ITIH4: variants seen among roughly 807,000 people sequenced by gnomAD.
ITIH4 encodes the protein inter-alpha-trypsin inhibitor heavy chain H4.
A neutral mutation model predicts 111.8 loss-of-function variants in ITIH4; 79 were observed. The observed-to-expected ratio is 0.71, with a 90% CI of 0.59 to 0.85. The LOEUF (loss-of-function observed/expected upper bound fraction) is 0.85. Ranked by LOEUF, ITIH4 falls within the 40% of genes least tolerant of loss-of-function variation. The pLI is 0.00. For synonymous variants in ITIH4, 472 were observed against 468.3 expected (o/e 1.01, Z -0.10); for missense variants, 1,065 against 1,195.8 (o/e 0.89, Z 1.61).
Position 52,823,916 on chromosome 3 carries a change from G to A in ITIH4, c.1260C>T (p.Asp420=), listed in dbSNP as rs759003584. The A allele has an allele frequency of 8.1e-6, 13 of 1,611,096 alleles. No individual in the cohort carries two copies. Among genetic ancestry groups the A allele is most frequent in the African/African-American group, 6.7e-5 (5 of 74,814 alleles). ...GCTTCTCCAGGAAGGCATAGCTGAC[G>A]TCGAAACCGAAGCCCAGGCAGAAGA... The part of the protein sequence containing the change: ...YSLFCLGFGF[D]VSYAFLEKLA... Residue 420 remains aspartate, a synonymous_variant, in exon 10 of 24, where the codon GAC becomes GAT. Coordinates refer to ENST00000266041, the MANE Select transcript of ITIH4 (RefSeq NM_002218.5).
In ITIH4 at chr3:52,816,961, A is replaced by C. The variant is rs749998954; in HGVS notation, c.2394T>G (p.Pro798=). Residue 798 remains proline, a synonymous_variant, in exon 21 of 24, where the codon CCT becomes CCG. Coordinates refer to ENST00000266041, the MANE Select transcript of ITIH4 (RefSeq NM_002218.5). ...GGTTCCGAGTCACCACCACGTGTTC[A>C]GGGGATGCGTGAACCCATACCAGGG... ...KNPLVWVHAS[P]EHVVVTRNRR... The C allele has an allele frequency of 5.0e-6, 8 of 1,613,916 alleles. No homozygotes were observed. Among genetic ancestry groups the C allele is most frequent in the Non-Finnish European group, 6.8e-6 (8 of 1,179,954 alleles).
rs750048478 is a variant in ITIH4, at chr3:52,825,968, G to A, written c.677C>T (p.Pro226Leu). The change falls in exon 6 of 24, where the codon CCA becomes CTA. Residue 226 changes from proline (P) to leucine (L), a missense_variant. Pro to Leu is a moderately conservative substitution (Grantham distance 98, BLOSUM62 -3). Coordinates refer to ENST00000266041, the MANE Select transcript of ITIH4 (RefSeq NM_002218.5). ...GTCCAGGACTGTTTCTTGCTGCTCT[G>A]GGGACTTTTGCTGCTGGGAAAGTGT... is the stretch of plus-strand genomic sequence containing the variant. ...KPTLSQQQKS[P>L]EQQETVLDGN... 7.4e-6 allele frequency: 12 copies of A among 1,614,090 alleles called. No individual in the cohort carries two copies. In the South Asian group the frequency reaches 1.3e-4, roughly 18 times the overall value.
intron 1 of ITIH4, among the ~76,000 whole-genome samples, chr3:52,829,538 A>C (rs1700536162): frequency 6.6e-6 from 1 of 152,146 alleles, no homozygotes; most frequent in African/African-American, 2.4e-5. Flanking sequence ...CTTGATCTAT[A>C]GGGGCCCAGA....
At chr3:52,829,472 T>G (rs567704100) in intron 1 of ITIH4, among the ~76,000 whole-genome samples, 193 bp from the exon 2 acceptor site, 1 of 152,188 alleles carries the variant, frequency 6.6e-6, no homozygotes, top group African/African-American at 2.4e-5. Flanking sequence ...AGGTAAGAGA[T>G]AGCAGTGTGC....
intron 12 of ITIH4, 24 bp from the exon 13 acceptor site, chr3:52,820,809 T>G: frequency 1.9e-6 from 3 of 1,585,548 alleles, no homozygotes; most frequent in Non-Finnish European, 2.6e-6. Flanking sequence ...ACATCAGAGC[T>G]CAGGAGATCC....
chr3:52,820,352 G>C, intron 13 of ITIH4, 35 bp from the exon 14 acceptor site: 1 of 1,604,916 alleles, frequency 6.2e-7, no homozygotes, highest in Non-Finnish European at 8.5e-7. Flanking sequence ...GAGACAGACA[G>C]ACAGAGACAC....
intron 11 of ITIH4, 61 bp downstream of exon 11, chr3:52,823,495 C>T: frequency 1.4e-6 from 2 of 1,416,454 alleles, no homozygotes; most frequent in Non-Finnish European, 1.9e-6. Context: ...TGAGTCCAGC[C>T]CCTCTGGCTG....
chr3:52,813,888 G>A (rs1700230867), intron 23 of ITIH4, 87 bp downstream of exon 23: 1 of 1,026,814 alleles, frequency 9.7e-7, no homozygotes, highest in Non-Finnish European at 1.5e-6. Flanking sequence ...GCAAGGACAG[G>A]AGTGGGGCCC....
Position 52,827,199 on chromosome 3 carries a change from T to C in ITIH4, c.252-2A>G. On this transcript the variant is annotated splice_acceptor_variant, in intron 2 of 23. Coordinates refer to ENST00000266041, the MANE Select transcript of ITIH4 (RefSeq NM_002218.5). LOFTEE classifies it high-confidence loss of function. Reference sequence around the variant, plus strand: ...GGGTAGGTCATGCCATCGATGATCCTGGGGGCAGAAGGGTGGGAGTTGTTG... The same window carrying C: ...GGGTAGGTCATGCCATCGATGATCCCGGGGGCAGAAGGGTGGGAGTTGTTG... The C allele has an allele frequency of 6.2e-7, 1 of 1,612,208 alleles. No individual in the cohort carries two copies. The highest frequency in any genetic ancestry group is 2.2e-5 in the East Asian group (1 of 44,866).
chr3:52,819,280 G>A (rs1700330123), intron 17 of ITIH4, 113 bp downstream of exon 17: 3 of 1,229,356 alleles, frequency 2.4e-6, no homozygotes, highest in African/African-American at 3.0e-5. Context: ...GCCCTCAGCA[G>A]CCGTCCCTGG....
intron 1 of ITIH4, among the ~76,000 whole-genome samples, chr3:52,829,490 C>T (rs1700535367): frequency 6.6e-6 from 1 of 152,150 alleles, no homozygotes; most frequent in African/African-American, 2.4e-5. Context: ...TGCTTCATTC[C>T]CCACCCTACA....
chr3:52,818,321 C>T, intron 18 of ITIH4, 38 bp from the exon 19 acceptor site: 1 of 1,574,836 alleles, frequency 6.3e-7, no homozygotes, highest in Non-Finnish European at 8.6e-7. Flanking sequence ...GCAGCCCCTT[C>T]CTGAGGAGTG....
At chr3:52,813,810 G>A (rs1700230077) in intron 23 of ITIH4, among the ~76,000 whole-genome samples, 165 bp downstream of exon 23, 1 of 152,168 alleles carries the variant, frequency 6.6e-6, no homozygotes, top group African/African-American at 2.4e-5. Flanking sequence ...TCTTTTGTGG[G>A]GTCACTGAAA....
rs1194843518 is a variant in ITIH4 at position 52,820,710 on chromosome 3, G to A, written c.1755C>T (p.Val585=). The change falls in exon 13 of 24, where the codon GTC becomes GTT. Residue 585 remains valine (V), a synonymous_variant. Transcript: ENST00000266041. ...ALNLSLAYSF[V]TPLTSMVVTK... is the part of the protein sequence containing the mutation. Reference sequence around the variant, plus strand: ...TGACTACCATAGATGTGAGAGGCGTGACAAAGCTGTAGGCAAGTGATAAAT... The same window carrying A: ...TGACTACCATAGATGTGAGAGGCGTAACAAAGCTGTAGGCAAGTGATAAAT... 6.2e-7 allele frequency: 1 copy of A among 1,614,046 alleles called. No homozygotes were observed. Among genetic ancestry groups the A allele is most frequent in the African/African-American group, 1.3e-5 (1 of 74,948 alleles).
Position 52,823,960 on chromosome 3 carries a change from C to A in ITIH4, c.1216G>T (p.Val406Leu). 6.3e-7 allele frequency: 1 copy of A among 1,591,552 alleles called. No homozygotes were observed. Among genetic ancestry groups the A allele is most frequent in the African/African-American group, 1.3e-5 (1 of 74,484 alleles). Residue 406 changes from valine (V) to leucine (L), a missense_variant, in exon 10 of 24, where the codon GTA becomes TTA. By Grantham distance (32) the Val-to-Leu change is conservative. Transcript: ENST00000266041. The part of the protein sequence containing the change: ...RSIQNNVREA[V>L]SGRYSLFCLG... ...CAGAAGAGGCTGTACCGGCCACTTA[C>A]AGCTTCCCGCACGTTATTCTGGATG...
At chr3:52,815,491 G>A (rs868091328) in intron 21 of ITIH4, among the ~76,000 whole-genome samples, 14 of 151,596 alleles carry the variant, frequency 9.2e-5, no homozygotes, top group Middle Eastern at 3.4e-3. Context: ...ATCCACCTGC[G>A]CTGGCCTCCC....
At chr3:52,825,747 G>C (rs756355178) in intron 6 of ITIH4, 139 bp downstream of exon 6, 1 of 897,442 alleles carries the variant, frequency 1.1e-6, no homozygotes, top group Non-Finnish European at 1.6e-6. Flanking sequence ...ACTAAATCAC[G>C]TGTTTTCTGT....
Position 52,813,337 on chromosome 3 carries a change from ATGG to A in ITIH4, c.*81_*83del. 8.5e-7 allele frequency: 1 copy of A among 1,178,410 alleles called. No homozygotes were observed. The highest frequency in any genetic ancestry group is 1.2e-5 in the South Asian group (1 of 81,846). The allele number at this position is 1,178,410 out of a possible 1,614,324, so 73.0% of individuals were successfully genotyped here. A position where few individuals can be genotyped will look rare whatever the true frequency, so the allele number is the denominator to read the frequency against. On this transcript the variant is annotated 3_prime_UTR_variant, in exon 24 of 24. Coordinates refer to ENST00000266041, the MANE Select transcript of ITIH4 (RefSeq NM_002218.5). The stretch of plus-strand genomic sequence containing the variant: ...GTAATGAGTGGGACTCTTCCTCCCC[ATGG>A]TGGTCCAGGCCCCAGAAGCGGCCCT...
At position 52,813,342 on chromosome 3, in the gene ITIH4, G is replaced by T; in HGVS notation, c.*79C>A. The T allele has an allele frequency of 8.2e-7, 1 of 1,224,852 alleles. No individual in the cohort carries two copies. Among genetic ancestry groups the T allele is most frequent in the Non-Finnish European group, 1.2e-6 (1 of 825,854 alleles). The allele number at this position is 1,224,852 out of a possible 1,614,324, so 75.9% of individuals were successfully genotyped here. ...GAGTGGGACTCTTCCTCCCCATGGT[G>T]GTCCAGGCCCCAGAAGCGGCCCTGC... On this transcript the variant is annotated 3_prime_UTR_variant, in exon 24 of 24. Transcript: ENST00000266041.
Sources: gnomAD v4.1 joint callset for allele counts (sites outside exome capture counted in the v4.1 genomes callset) on GRCh38, gnomAD v4.1.1 for gene constraint, MANE v1.5 for transcripts, NCBI Gene and HGNC (gene_info 2026-07-23, HGNC 2026-07-21) for gene names.